The following APOO variants were observed in gnomAD, a reference collection of about 807,000 sequenced individuals.
The protein encoded by APOO is apolipoprotein O.
Under a neutral mutation model 23.1 loss-of-function variants are expected in APOO, and 11 were observed. The ratio of observed to expected loss-of-function variants is 0.48; its 90% CI spans 0.30 to 0.79. The LOEUF is 0.79. Among genes scored for constraint, APOO ranks in the 30% least tolerant of loss-of-function variants. The pLI is 0.07. For missense variants in APOO, 160 were observed against 142.7 expected, an observed-to-expected ratio of 1.12 and a Z score of -0.62; for synonymous variants, 59 against 54.8, an observed-to-expected ratio of 1.08 and a Z score of -0.34.
intron 1 of APOO, among the ~76,000 whole-genome samples, chrX:23,895,705 A>G (rs1397114250): frequency 9.0e-6 from 1 of 110,850 alleles, no homozygotes; most frequent in Non-Finnish European, 1.9e-5. Flanking sequence ...TCTCTACTGG[A>G]ACCTTTTCTA....
At chrX:23,858,790 A>T (rs1472937067) in intron 5 of APOO, 57 bp from the exon 6 acceptor site, 3 of 1,044,626 alleles carry the variant, frequency 2.9e-6, no homozygotes, top group Admixed American at 2.4e-5. Flanking sequence ...CACCATCACA[A>T]TTTACCTTAT....
At chrX:23,848,225 C>T (rs900845704) in intron 7 of APOO, among the ~76,000 whole-genome samples, 10 of 109,486 alleles carry the variant, frequency 9.1e-5, no homozygotes, top group African/African-American at 1.7e-4. Context: ...AGTGCAGTGA[C>T]GCGATCATGG....
chrX:23,865,128 G>A (rs1329220091), intron 5 of APOO, among the ~76,000 whole-genome samples: 2 of 111,635 alleles, frequency 1.8e-5, no homozygotes, highest in Non-Finnish European at 3.8e-5. Flanking sequence ...GGTGGCCAAT[G>A]CTGGGGAGAG....
intron 1 of APOO, among the ~76,000 whole-genome samples, chrX:23,881,563 TAAAAAAAAAAA>T (rs60466764): frequency 1.1e-3 from 10 of 9,186 alleles, no homozygotes; most frequent in Non-Finnish European, 1.5e-3. Flanking sequence ...ATCGCTCCAC[TAAAAAAAAAAA>T]AAAAAAAAAA....
intron 1 of APOO, among the ~76,000 whole-genome samples, chrX:23,882,091 T>C (rs1308857970): frequency 9.0e-6 from 1 of 111,282 alleles, no homozygotes; most frequent in South Asian, 3.7e-4. Context: ...ACAAACCACA[T>C]GAACTAATGT....
intron 8 of APOO, among the ~76,000 whole-genome samples, chrX:23,838,926 C>A (rs989315743): frequency 2.7e-5 from 3 of 111,705 alleles, no homozygotes; most frequent in Non-Finnish European, 3.8e-5. Flanking sequence ...TATTCTATGT[C>A]TTTTTCATTG....
At chrX:23,864,142 T>C (rs1184881650) in intron 5 of APOO, among the ~76,000 whole-genome samples, 3 of 108,294 alleles carry the variant, frequency 2.8e-5, no homozygotes, top group Non-Finnish European at 3.8e-5. Flanking sequence ...ATTACAGGTA[T>C]GCGCCACCAT....
rs888705207 is a variant in APOO at position 23,863,278 on chromosome X, G to C, written c.389-4545C>G. Among the ~76,000 whole-genome samples the C allele has an allele frequency of 3.9e-4, 44 of 112,344 alleles. No individual in the cohort carries two copies. The Admixed American group carries it at 4.1e-3, about 10-fold the overall frequency. The stretch of plus-strand genomic sequence containing the variant: ...GAACCCAGAGGTGGAGGAGGTTGCA[G>C]TGAGCGGAGATTGTGACACTGCACT... On this transcript the variant is annotated intron_variant, in intron 5 of 8. Coordinates refer to ENST00000379226, the MANE Select transcript of APOO (RefSeq NM_024122.5).
intron 3 of APOO, among the ~76,000 whole-genome samples, chrX:23,877,012 A>C (rs895946150): frequency 8.9e-6 from 1 of 112,214 alleles, no homozygotes; most frequent in Non-Finnish European, 1.9e-5. Context: ...ATAAACATAT[A>C]GATAACTAAT....
At chrX:23,881,318 G>A (rs1278740103) in intron 1 of APOO, among the ~76,000 whole-genome samples, 3 of 108,846 alleles carry the variant, frequency 2.8e-5, no homozygotes, top group South Asian at 7.8e-4. Context: ...CAGGTAATTC[G>A]CCCGCCTCGG....
intron 7 of APOO, among the ~76,000 whole-genome samples, chrX:23,848,763 G>A (rs1308543247): frequency 1.9e-5 from 2 of 105,242 alleles, no homozygotes; most frequent in Admixed American, 1.0e-4. Context: ...TTGGCTCACT[G>A]CAACCTCTGC....
intron 1 of APOO, among the ~76,000 whole-genome samples, chrX:23,886,509 A>G (rs1926371851): frequency 9.0e-6 from 1 of 111,697 alleles, no homozygotes; most frequent in African/African-American, 3.3e-5. Context: ...CATCAGCTCT[A>G]GCACACCTAA....
rs1233473946 is a variant in APOO, at chrX:23,895,640, A to G, written c.9+12054T>C. Among the ~76,000 whole-genome samples, 6 of 111,131 alleles carry G rather than the reference A, an allele frequency of 5.4e-5. No homozygotes were observed. In the East Asian group the frequency reaches 1.7e-3, roughly 31 times the overall value. On this transcript the variant is annotated intron_variant, in intron 1 of 8. Coordinates refer to ENST00000379226, the MANE Select transcript of APOO (RefSeq NM_024122.5). ...CCTTCATGTTCCGCACATGTATCCC[A>G]GGACTTAGAGTAAAATAGAAAAAAA...
At position 23,874,380 on chromosome X, in the gene APOO, T is replaced by C. The variant is rs370282991; in HGVS notation, c.292+23A>G. 8.4e-5 allele frequency: 100 copies of C among 1,189,558 alleles called. No homozygotes were observed. In the Middle Eastern group the frequency reaches 1.7e-3, roughly 20 times the overall value. On this transcript the variant is annotated intron_variant, in intron 4 of 8. Transcript: ENST00000379226. Reference sequence around the variant, plus strand: ...TCAATGTTAATGAAGTAGCTGATTATGCCTAATTTAAAATCAACTTACCTA... The same window carrying C: ...TCAATGTTAATGAAGTAGCTGATTACGCCTAATTTAAAATCAACTTACCTA...
At chrX:23,857,104 G>A (rs1210462714) in intron 6 of APOO, among the ~76,000 whole-genome samples, 1 of 110,728 alleles carries the variant, frequency 9.0e-6, no homozygotes, top group Non-Finnish European at 1.9e-5. Context: ...AGGGTGAGAA[G>A]AGGGCGAGGA....
At chrX:23,834,726 A>G (rs1923571554) in intron 8 of APOO, among the ~76,000 whole-genome samples, 2 of 100,946 alleles carry the variant, frequency 2.0e-5, no homozygotes, top group African/African-American at 3.7e-5. Context: ...TGCTTTTTTC[A>G]TATTTTTTTT....
chrX:23,882,933 C>T (rs772229437), intron 1 of APOO, among the ~76,000 whole-genome samples: 1 of 111,222 alleles, frequency 9.0e-6, no homozygotes, highest in South Asian at 3.8e-4. Context: ...AGGTGTGAAC[C>T]ACTGCACTTG....
At chrX:23,902,326 A>T (rs1440265406) in intron 1 of APOO, among the ~76,000 whole-genome samples, 1 of 111,449 alleles carries the variant, frequency 9.0e-6, no homozygotes, top group Non-Finnish European at 1.9e-5. Flanking sequence ...CTGGACGCCA[A>T]CTAAAAAGTC....
chrX:23,856,491 T>C, intron 6 of APOO, 109 bp from the exon 7 acceptor site: 1 of 583,203 alleles, frequency 1.7e-6, no homozygotes, highest in South Asian at 2.8e-5. Flanking sequence ...CATGCATATG[T>C]TCATCATAGC....
Sources: allele counts gnomAD v4.1 joint callset (sites outside exome capture counted in the v4.1 genomes callset), GRCh38; gene constraint gnomAD v4.1.1; transcripts MANE v1.5; gene names NCBI Gene and HGNC (gene_info 2026-07-23, HGNC 2026-07-21).